The following SPATA16 variants were observed in gnomAD, a reference collection of about 807,000 sequenced individuals.
The protein encoded by SPATA16 is spermatogenesis-associated protein 16.
Under a neutral mutation model 63.3 loss-of-function variants are expected in SPATA16, and 36 were observed. That is an observed-to-expected ratio of 0.57 (90% CI 0.44 to 0.75). The LOEUF is 0.75. Ranked by LOEUF, SPATA16 falls within the 30% of genes least tolerant of loss-of-function variation. SPATA16 has a pLI of 0.00. For missense variants in SPATA16, 646 were observed against 679.3 expected (o/e 0.95, Z 0.54); for synonymous variants, 203 against 216.7 (o/e 0.94, Z 0.56).
At chr3:173,139,115 G>C (rs1324898080) in intron 1 of SPATA16, among the ~76,000 whole-genome samples, 1 of 152,182 alleles carries the variant, frequency 6.6e-6, no homozygotes, top group Non-Finnish European at 1.5e-5. Flanking sequence ...TAATTGTTGA[G>C]AAGAGTAATA....
chr3:173,073,372 G>A (rs1736717281), intron 2 of SPATA16, among the ~76,000 whole-genome samples: 1 of 152,244 alleles, frequency 6.6e-6, no homozygotes, highest in Non-Finnish European at 1.5e-5. Flanking sequence ...CTTCATGGCA[G>A]CCTCTCCCAT....
intron 6 of SPATA16, among the ~76,000 whole-genome samples, chr3:172,939,830 G>A (rs1400013205): frequency 2.0e-5 from 3 of 152,154 alleles, no homozygotes; most frequent in African/African-American, 4.8e-5. Flanking sequence ...GATAGCTTCA[G>A]GATGAGGGCA....
intron 6 of SPATA16, among the ~76,000 whole-genome samples, chr3:172,935,907 A>G (rs916551481): frequency 6.6e-6 from 1 of 152,154 alleles, no homozygotes; most frequent in Non-Finnish European, 1.5e-5. Context: ...ATGGTATGGA[A>G]AAAGAAAAAG....
In SPATA16 at chr3:172,904,541, G is replaced by A. The variant is rs1732194078; in HGVS notation, c.1587+9120C>T. ...CTGCCAAATCATCAAAGTTTTAGAAGACAGTATTTTCAGCCAACAAAGCAC... is the reference window on the plus strand; with the variant it reads ...CTGCCAAATCATCAAAGTTTTAGAAAACAGTATTTTCAGCCAACAAAGCAC... On this transcript the variant is annotated intron_variant, in intron 10 of 10. Coordinates refer to ENST00000351008, the MANE Select transcript of SPATA16 (RefSeq NM_031955.6). Among the ~76,000 whole-genome samples the A allele has an allele frequency of 2.0e-5, 3 of 152,298 alleles. No homozygotes were observed. In the South Asian group the frequency reaches 6.2e-4, roughly 32 times the overall value.
chr3:173,028,013 C>CCCTCCCTCCCTCCCTCCCTCCCTT (rs1560100953), intron 3 of SPATA16, among the ~76,000 whole-genome samples: 1 of 35,038 alleles, frequency 2.9e-5, no homozygotes, highest in Admixed American at 3.7e-4. Context: ...CTCCCTCCCT[C>CCCTCCCTCCCTCCCTCCCTCCCTT]CCTTCCTTCT....
intron 4 of SPATA16, among the ~76,000 whole-genome samples, chr3:173,014,860 T>C (rs1289545198): frequency 1.3e-5 from 2 of 152,296 alleles, no homozygotes; most frequent in South Asian, 4.1e-4. Context: ...GGTATCTAGT[T>C]TGAAAGATTA....
At chr3:172,910,603 C>G (rs1732349126) in intron 10 of SPATA16, among the ~76,000 whole-genome samples, 1 of 151,838 alleles carries the variant, frequency 6.6e-6, no homozygotes, top group African/African-American at 2.4e-5. Flanking sequence ...TTCTAAACAA[C>G]TATTTCTATA....
intron 4 of SPATA16, among the ~76,000 whole-genome samples, chr3:173,010,046 G>A (rs1735029195): frequency 1.3e-5 from 2 of 152,272 alleles, no homozygotes; most frequent in South Asian, 4.1e-4. Flanking sequence ...CCAATCAGAG[G>A]TACTTTCATT....
chr3:172,962,169 C>T (rs1184966288), intron 5 of SPATA16, among the ~76,000 whole-genome samples: 2 of 143,414 alleles, frequency 1.4e-5, no homozygotes, highest in Non-Finnish European at 3.0e-5. Flanking sequence ...AGGAGAATTG[C>T]TTGAGCCCAG....
intron 4 of SPATA16, among the ~76,000 whole-genome samples, chr3:173,003,413 C>CT (rs577214350): frequency 6.6e-6 from 1 of 152,130 alleles, no homozygotes; most frequent in Admixed American, 6.6e-5. Context: ...TAACAATACC[C>CT]TTATCATCCT....
chr3:173,099,209 G>A (rs951203297), intron 2 of SPATA16, among the ~76,000 whole-genome samples: 4 of 151,976 alleles, frequency 2.6e-5, no homozygotes, highest in African/African-American at 7.3e-5. Flanking sequence ...GATGAGTACA[G>A]TACCATAGGA....
At chr3:172,920,925 A>C (rs911753707) in intron 8 of SPATA16, among the ~76,000 whole-genome samples, 2 of 152,116 alleles carry the variant, frequency 1.3e-5, no homozygotes, top group Non-Finnish European at 2.9e-5. Flanking sequence ...TGAAGTTTTA[A>C]TGCATTGCAT....
intron 6 of SPATA16, among the ~76,000 whole-genome samples, chr3:172,938,463 A>G (rs1181441631): frequency 6.6e-6 from 1 of 152,176 alleles, no homozygotes; most frequent in Admixed American, 6.5e-5. Context: ...CAAAAGTCTT[A>G]ATACAGCACT....
chr3:173,018,180 A>G (rs1026283950), intron 4 of SPATA16, among the ~76,000 whole-genome samples: 4 of 152,116 alleles, frequency 2.6e-5, no homozygotes, highest in Non-Finnish European at 2.9e-5. Flanking sequence ...AGCAATTGAG[A>G]TGAACTCTGC....
intron 6 of SPATA16, among the ~76,000 whole-genome samples, chr3:172,956,165 AG>A (rs1733588264): frequency 6.6e-6 from 1 of 152,152 alleles, no homozygotes; most frequent in African/African-American, 2.4e-5. Context: ...AAGATGAAAA[AG>A]GGGAAAAAAC....
chr3:173,079,336 C>G (rs1178837718), intron 2 of SPATA16, among the ~76,000 whole-genome samples: 4 of 151,970 alleles, frequency 2.6e-5, no homozygotes, highest in Admixed American at 1.3e-4. Context: ...ATAAGAAAAA[C>G]CATGGGCAAG....
At chr3:173,046,990 G>A (rs373663765) in intron 3 of SPATA16, among the ~76,000 whole-genome samples, 10 of 151,956 alleles carry the variant, frequency 6.6e-5, no homozygotes, top group African/African-American at 9.6e-5. Flanking sequence ...TAATTGTAAC[G>A]TAATAGGAAA....
chr3:173,015,309 C>T (rs1735156994), intron 4 of SPATA16, among the ~76,000 whole-genome samples: 2 of 152,114 alleles, frequency 1.3e-5, no homozygotes, highest in Admixed American at 6.6e-5. Flanking sequence ...GGTGATCTGC[C>T]CACCTTGGCC....
intron 2 of SPATA16, among the ~76,000 whole-genome samples, chr3:173,115,887 A>AT (rs146705254): frequency 2.6e-4 from 33 of 127,416 alleles, no homozygotes; most frequent in Non-Finnish European, 3.9e-4. Flanking sequence ...TCTTGTGGGC[A>AT]TTTTTTTTTT....
Sources: gnomAD v4.1 joint callset for allele counts (sites outside exome capture counted in the v4.1 genomes callset) on GRCh38, gnomAD v4.1.1 for gene constraint, MANE v1.5 for transcripts, NCBI Gene and HGNC (gene_info 2026-07-23, HGNC 2026-07-21) for gene names.